The following SPMAP2L variants were observed in gnomAD, a reference collection of about 807,000 sequenced individuals.
SPMAP2L encodes the protein sperm microtubule associated protein 2 like.
the SPMAP2L span, among the ~76,000 whole-genome samples, chr4:56,586,487 C>G: frequency 6.6e-6 from 1 of 152,202 alleles, no homozygotes; most frequent in Non-Finnish European, 1.5e-5. Flanking sequence ...TGCCCCACCT[C>G]CTAATTCAAT....
At chr4:56,571,655 G>C in the SPMAP2L span, among the ~76,000 whole-genome samples, 1 of 151,920 alleles carries the variant, frequency 6.6e-6, no homozygotes, top group Non-Finnish European at 1.5e-5. Flanking sequence ...AGACCAACCT[G>C]GGCAACATAG....
chr4:56,594,098 C>G, the SPMAP2L span: 4 of 1,608,144 alleles, frequency 2.5e-6, no homozygotes, highest in African/African-American at 2.7e-5. Flanking sequence ...TGAAAAAGAT[C>G]TGGACGATTT....
the SPMAP2L span, among the ~76,000 whole-genome samples, chr4:56,560,262 T>C: frequency 6.6e-6 from 1 of 152,306 alleles, no homozygotes; most frequent in Admixed American, 6.5e-5. Context: ...TGCCGAGGAC[T>C]GGCCACTCCC....
At chr4:56,542,165 C>T in the SPMAP2L span, among the ~76,000 whole-genome samples, 20 of 152,330 alleles carry the variant, frequency 1.3e-4, no homozygotes, top group East Asian at 2.3e-3. Flanking sequence ...TGCCTGGCGG[C>T]GGGGACATCA....
chr4:56,620,190 C>T, the SPMAP2L span, among the ~76,000 whole-genome samples: 12 of 152,204 alleles, frequency 7.9e-5, no homozygotes, highest in African/African-American at 1.2e-4. Flanking sequence ...AAAGTCAGGA[C>T]CCAAGAATCA....
the SPMAP2L span, among the ~76,000 whole-genome samples, chr4:56,605,598 T>A: frequency 6.6e-6 from 1 of 152,160 alleles, no homozygotes. Context: ...CACCTAGCCT[T>A]GCTTTTCATG....
chr4:56,598,028 T>A, the SPMAP2L span, among the ~76,000 whole-genome samples: 1 of 152,108 alleles, frequency 6.6e-6, no homozygotes, highest in Non-Finnish European at 1.5e-5. Context: ...ACCCCCAAGT[T>A]TTAAAAATTT....
At chr4:56,593,356 A>G in the SPMAP2L span, 5 of 1,198,204 alleles carry the variant, frequency 4.2e-6, no homozygotes, top group East Asian at 9.3e-5. Context: ...TGTTGTCCAG[A>G]CTCGAGCCAA....
At chr4:56,595,606 GGCCAGTGATT>G in the SPMAP2L span, 1 of 1,307,346 alleles carries the variant, frequency 7.6e-7, no homozygotes. Flanking sequence ...AACAAATTCT[GGCCAGTGATT>G]GCCCGGATTG....
the SPMAP2L span, among the ~76,000 whole-genome samples, chr4:56,612,630 C>T: frequency 4.6e-5 from 7 of 152,182 alleles, no homozygotes; most frequent in South Asian, 1.2e-3. Context: ...TGCAGTGGCG[C>T]GATCTCAGCT....
chr4:56,537,094 T>G, the SPMAP2L span, among the ~76,000 whole-genome samples: 1 of 152,066 alleles, frequency 6.6e-6, no homozygotes, highest in Non-Finnish European at 1.5e-5. Flanking sequence ...TCATTAAACC[T>G]CTAGGCAGCA....
At chr4:56,535,440 CCTGTT>C in the SPMAP2L span, among the ~76,000 whole-genome samples, 2 of 151,918 alleles carry the variant, frequency 1.3e-5, no homozygotes, top group Non-Finnish European at 1.5e-5. Context: ...AAATCCCTGT[CCTGTT>C]CTGTTCTGTT....
the SPMAP2L span, among the ~76,000 whole-genome samples, chr4:56,586,184 C>T: frequency 6.6e-6 from 1 of 152,126 alleles, no homozygotes. Flanking sequence ...TCAGCTTGGG[C>T]TGCTGTAACC....
At chr4:56,612,405 G>C in the SPMAP2L span, among the ~76,000 whole-genome samples, 2,337 of 151,522 alleles carry the variant, frequency 0.015, 54 homozygotes, top group African/African-American at 0.051. Flanking sequence ...GCAGTGGTGC[G>C]ATCTTGTCTC....
At chr4:56,531,129 C>T in the SPMAP2L span, 9 of 1,534,674 alleles carry the variant, frequency 5.9e-6, no homozygotes, top group Non-Finnish European at 7.9e-6. Flanking sequence ...CCTCTCTGAT[C>T]ACCAGAGCCC....
the SPMAP2L span, among the ~76,000 whole-genome samples, chr4:56,549,869 T>A: frequency 1.3e-5 from 2 of 152,210 alleles, no homozygotes; most frequent in African/African-American, 4.8e-5. Flanking sequence ...TACCTCATTA[T>A]GTATGTACAG....
chr4:56,541,568 A>T, the SPMAP2L span, among the ~76,000 whole-genome samples: 1 of 150,420 alleles, frequency 6.6e-6, no homozygotes, highest in Admixed American at 6.6e-5. Flanking sequence ...GTTATAATAA[A>T]CCCCTATGTA....
At chr4:56,559,789 G>A in the SPMAP2L span, among the ~76,000 whole-genome samples, 156 of 152,156 alleles carry the variant, frequency 1.0e-3, 1 homozygote, top group Non-Finnish European at 1.8e-3. Flanking sequence ...GACTGGTCTC[G>A]AGCTCCTGAC....
chr4:56,603,378 A>G, the SPMAP2L span: 2 of 1,279,306 alleles, frequency 1.6e-6, no homozygotes, highest in Non-Finnish European at 2.1e-6. Context: ...CACATATTAG[A>G]TGACTTAGTT....
Sources: allele counts gnomAD v4.1 joint callset (sites outside exome capture counted in the v4.1 genomes callset), GRCh38; gene constraint gnomAD v4.1.1; transcripts MANE v1.5; gene names NCBI Gene and HGNC (gene_info 2026-07-23, HGNC 2026-07-21).